ARFGAP3: variants seen among roughly 807,000 people sequenced by gnomAD.
ARFGAP3 encodes ADP-ribosylation factor GTPase-activating protein 3.
ARFGAP3 carries 72 observed loss-of-function variants against 75.0 expected under a neutral mutation model. The ratio of observed to expected loss-of-function variants is 0.96; its 90% CI spans 0.79 to 1.17. The LOEUF (loss-of-function observed/expected upper bound fraction) is 1.17. Among genes scored for constraint, ARFGAP3 ranks in the 50% most tolerant of loss-of-function variants. The pLI is 0.00. For synonymous variants in ARFGAP3, 221 were observed against 217.9 expected, an observed-to-expected ratio of 1.01 and a Z score of -0.13; for missense variants, 620 against 626.6, an observed-to-expected ratio of 0.99 and a Z score of 0.11.
chr22:42,844,893 C>T (rs1386105609), intron 2 of ARFGAP3, among the ~76,000 whole-genome samples: 1 of 152,168 alleles, frequency 6.6e-6, no homozygotes, highest in Non-Finnish European at 1.5e-5. Context: ...GTGACTCATA[C>T]AGTTCTATTT....
At chr22:42,844,538 T>C (rs1036366670) in intron 2 of ARFGAP3, among the ~76,000 whole-genome samples, 3 of 148,932 alleles carry the variant, frequency 2.0e-5, no homozygotes, top group Admixed American at 6.8e-5. Flanking sequence ...TGAGCTGAGA[T>C]CATGCCATTG....
At chr22:42,847,960 G>A (rs1379885462) in intron 1 of ARFGAP3, among the ~76,000 whole-genome samples, 2 of 151,388 alleles carry the variant, frequency 1.3e-5, no homozygotes, top group Non-Finnish European at 2.9e-5. Flanking sequence ...TGCTTTCCAG[G>A]TTCCATTGAT....
chr22:42,843,500 C>A (rs1926875431), intron 2 of ARFGAP3, among the ~76,000 whole-genome samples: 1 of 152,100 alleles, frequency 6.6e-6, no homozygotes, highest in African/African-American at 2.4e-5. Flanking sequence ...CTCCCAAGTG[C>A]TGGGATTACA....
chr22:42,805,100 G>C (rs1027253334), intron 14 of ARFGAP3, among the ~76,000 whole-genome samples: 12 of 152,142 alleles, frequency 7.9e-5, no homozygotes, highest in Non-Finnish European at 1.3e-4. Flanking sequence ...ACCCCGGCGG[G>C]GGCAGGGGAG....
chr22:42,838,449 C>T (rs1415392354), intron 3 of ARFGAP3, among the ~76,000 whole-genome samples: 3 of 151,850 alleles, frequency 2.0e-5, no homozygotes, highest in Admixed American at 2.0e-4. Context: ...AGGCAGGTTC[C>T]ACTATGCCTT....
intron 1 of ARFGAP3, among the ~76,000 whole-genome samples, chr22:42,849,299 A>G (rs925834873): frequency 1.2e-4 from 19 of 152,102 alleles, no homozygotes; most frequent in Admixed American, 3.9e-4. Context: ...ATACAGAGAG[A>G]TATTCCTTTA....
At position 42,806,232 on chromosome 22, in the gene ARFGAP3, G is replaced by A. The variant is rs545262692; in HGVS notation, c.1411+841C>T. On this transcript the variant is annotated intron_variant, in intron 14 of 15. Transcript: ENST00000263245. ...GCTTCCTGAAATGACCTCAGAGGAC[G>A]CTGCCCCTTTCACGTTAACCACAGG... is the stretch of plus-strand genomic sequence containing the variant. 2.0e-4 allele frequency among the ~76,000 whole-genome samples: 30 copies of A among 151,830 alleles called. No individual in the cohort carries two copies. The South Asian group carries it at 5.8e-3, about 29-fold the overall frequency.
At chr22:42,798,661 A>C (rs565635143) in intron 15 of ARFGAP3, among the ~76,000 whole-genome samples, 4 of 152,380 alleles carry the variant, frequency 2.6e-5, no homozygotes, top group South Asian at 4.1e-4. Context: ...ATATCTTTTT[A>C]ATCTACGTAT....
Position 42,797,372 on chromosome 22 carries a change from G to A in ARFGAP3, c.*216C>T, listed in dbSNP as rs1461213824. ...ATACACAGAGACGCCAAAGGAGGGT[G>A]TGACAGGAAGGAACGTGAAACAGAA... On this transcript the variant is annotated 3_prime_UTR_variant, in exon 16 of 16. Transcript: ENST00000263245. 1.6e-6 allele frequency: 1 copy of A among 620,836 alleles called. No homozygotes were observed. The highest frequency in any genetic ancestry group is 2.8e-6 in the Non-Finnish European group (1 of 357,450). The allele number at this position is 620,836 out of a possible 1,614,324, so 38.5% of individuals were successfully genotyped here.
chr22:42,848,904 C>T (rs1013841006), intron 1 of ARFGAP3, among the ~76,000 whole-genome samples: 2 of 152,192 alleles, frequency 1.3e-5, no homozygotes, highest in Admixed American at 6.5e-5. Context: ...GATTGGGTTA[C>T]AAATGACACT....
At chr22:42,853,101 A>G (rs1301861727) in intron 1 of ARFGAP3, among the ~76,000 whole-genome samples, 1 of 152,224 alleles carries the variant, frequency 6.6e-6, no homozygotes, top group Admixed American at 6.5e-5. Flanking sequence ...TGTTTTCTTA[A>G]TTCTGATTCC....
At chr22:42,824,547 A>G (rs1925957669) in intron 7 of ARFGAP3, among the ~76,000 whole-genome samples, 1 of 146,836 alleles carries the variant, frequency 6.8e-6, no homozygotes, top group Non-Finnish European at 1.5e-5. Context: ...TTTTTTGTAG[A>G]CATCAGGGGA....
chr22:42,804,355 G>A (rs1055856571), intron 14 of ARFGAP3, among the ~76,000 whole-genome samples: 3 of 145,612 alleles, frequency 2.1e-5, no homozygotes, highest in African/African-American at 7.7e-5. Flanking sequence ...GATTACAGGC[G>A]CCCACCACCA....
intron 2 of ARFGAP3, among the ~76,000 whole-genome samples, chr22:42,844,358 G>A (rs976008621): frequency 6.6e-6 from 1 of 152,088 alleles, no homozygotes; most frequent in Non-Finnish European, 1.5e-5. Context: ...GCTGAGGTGG[G>A]TGGATCACAT....
In ARFGAP3 at chr22:42,851,181, A is replaced by G. The variant is rs1248544680; in HGVS notation, c.70-3549T>C. Among the ~76,000 whole-genome samples, 3 of 152,246 alleles carry G rather than the reference A, an allele frequency of 2.0e-5. No individual in the cohort carries two copies. In the East Asian group the frequency reaches 5.8e-4, roughly 29 times the overall value. On this transcript the variant is annotated intron_variant, in intron 1 of 15. Transcript: ENST00000263245. The stretch of plus-strand genomic sequence containing the variant: ...AGCGTGGTTCAGGAAGTCTGCCCAC[A>G]TGGAGCCCACAGTCTAGCAGTCCAG...
chr22:42,810,001 CT>C (rs1434076974), intron 12 of ARFGAP3, among the ~76,000 whole-genome samples: 14 of 65,690 alleles, frequency 2.1e-4, no homozygotes, highest in African/African-American at 1.2e-3. Flanking sequence ...AAGACTCCAT[CT>C]TAAAAAAAAA....
rs903873729 is a variant in ARFGAP3 at position 42,827,085 on chromosome 22, G to C, written c.566-86C>G. The C allele has an allele frequency of 2.7e-4, 396 of 1,468,062 alleles. 1 individual carries two copies. Among genetic ancestry groups the C allele is most frequent in the Non-Finnish European group, 3.3e-4 (373 of 1,124,456 alleles). The allele number at this position is 1,468,062 out of a possible 1,614,324, so 90.9% of individuals were successfully genotyped here. A position where few individuals can be genotyped will look rare whatever the true frequency, so the allele number is the denominator to read the frequency against. ...TATATAATAATTCAACTTGCTCAGT[G>C]CTACATCTTATCCAATTTTGTCAAT... On this transcript the variant is annotated intron_variant, in intron 6 of 15. Transcript: ENST00000263245.
chr22:42,839,123 G>GAAAAAAAAAAAAAAAAAA (rs59529328), intron 3 of ARFGAP3, among the ~76,000 whole-genome samples: 2 of 128,776 alleles, frequency 1.6e-5, no homozygotes. Context: ...AAAAAAAAAA[G>GAAAAAAAAAAAAAAAAAA]AAAAAAAAAA....
chr22:42,806,351 G>A (rs1358570275), intron 14 of ARFGAP3, among the ~76,000 whole-genome samples: 1 of 152,224 alleles, frequency 6.6e-6, no homozygotes, highest in Admixed American at 6.5e-5. Context: ...GAAGCAGAGG[G>A]GCCGGCGCTC....
Sources: gnomAD v4.1 joint callset for allele counts (sites outside exome capture counted in the v4.1 genomes callset) on GRCh38, gnomAD v4.1.1 for gene constraint, MANE v1.5 for transcripts, NCBI Gene and HGNC (gene_info 2026-07-23, HGNC 2026-07-21) for gene names.